Variants in GRK5 observed in about 807,000 individuals in gnomAD.
GRK5 encodes the protein g protein-coupled receptor kinase GRK5.
A neutral mutation model predicts 78.4 loss-of-function variants in GRK5; 40 were observed. The ratio of observed to expected loss-of-function variants is 0.51; its 90% CI spans 0.40 to 0.66. GRK5 has a LOEUF of 0.66. GRK5 is among the 30% of genes least tolerant of loss of function. The pLI, the probability that GRK5 is intolerant of heterozygous loss-of-function variation, is 0.00. For missense variants in GRK5, 598 were observed against 759.9 expected (o/e 0.79, Z 2.50); for synonymous variants, 289 against 296.8 (o/e 0.97, Z 0.27).
At chr10:119,415,983 C>T (rs1242406460) in intron 4 of GRK5, among the ~76,000 whole-genome samples, 2 of 152,196 alleles carry the variant, frequency 1.3e-5, no homozygotes, top group Non-Finnish European at 1.5e-5. Context: ...AGTATCAGGC[C>T]TGTGTTTCTG....
At chr10:119,377,275 G>A (rs1027134587) in intron 2 of GRK5, among the ~76,000 whole-genome samples, 6 of 152,194 alleles carry the variant, frequency 3.9e-5, no homozygotes, top group East Asian at 1.9e-4. Flanking sequence ...CAACTTCAAT[G>A]TCATTGACTT....
intron 5 of GRK5, 59 bp from the exon 6 acceptor site, chr10:119,424,934 C>T: frequency 1.7e-6 from 2 of 1,205,122 alleles, no homozygotes; most frequent in Non-Finnish European, 1.2e-6. Context: ...CACAGCTTTG[C>T]CCCCCTGCTT....
intron 1 of GRK5, among the ~76,000 whole-genome samples, chr10:119,269,823 A>C (rs1290888238): frequency 1.6e-5 from 2 of 127,768 alleles, no homozygotes; most frequent in African/African-American, 3.0e-5. Flanking sequence ...ATGGAGTGAG[A>C]CTCCATCTTA....
intron 12 of GRK5, 30 bp from the exon 13 acceptor site, chr10:119,448,093 G>A (rs779247411): frequency 6.6e-7 from 1 of 1,517,658 alleles, no homozygotes; most frequent in South Asian, 1.3e-5. Context: ...AGGCCCAGGG[G>A]ACGTGGCTTC....
chr10:119,212,496 A>G (rs1409177016), intron 1 of GRK5, among the ~76,000 whole-genome samples: 1 of 152,216 alleles, frequency 6.6e-6, no homozygotes, highest in Non-Finnish European at 1.5e-5. Context: ...AGAATGCCCA[A>G]GTGAATTTCA....
chr10:119,292,932 C>T (rs566310440), intron 1 of GRK5, among the ~76,000 whole-genome samples: 3 of 151,882 alleles, frequency 2.0e-5, no homozygotes, highest in South Asian at 2.1e-4. Flanking sequence ...AGGCCAACTG[C>T]GTGTTGACTT....
chr10:119,270,700 A>G (rs1849570021), intron 1 of GRK5, among the ~76,000 whole-genome samples: 1 of 152,248 alleles, frequency 6.6e-6, no homozygotes, highest in Non-Finnish European at 1.5e-5. Context: ...GGGGGAATGC[A>G]CAAATTAGCT....
At chr10:119,231,216 T>C (rs1848823334) in intron 1 of GRK5, among the ~76,000 whole-genome samples, 1 of 151,916 alleles carries the variant, frequency 6.6e-6, no homozygotes, top group South Asian at 2.1e-4. Flanking sequence ...AACTCAAACA[T>C]CTCAACAGGA....
At chr10:119,269,200 T>G (rs1358977067) in intron 1 of GRK5, among the ~76,000 whole-genome samples, 1 of 152,220 alleles carries the variant, frequency 6.6e-6, no homozygotes, top group African/African-American at 2.4e-5. Flanking sequence ...GGAAGTTTGA[T>G]GACCTGACGC....
In GRK5 at chr10:119,378,182, G is replaced by A. The variant is rs1354159789; in HGVS notation, c.149-2633G>A. ...CAATCTGAGTCCAAGCTCCCTGCGG[G>A]CTGGGACCACATCCCTAGGTACCCC... On this transcript the variant is annotated intron_variant, in intron 2 of 15. Coordinates refer to ENST00000392870, the MANE Select transcript of GRK5 (RefSeq NM_005308.3). The surrounding 1 kb of genome is among the most constrained non-coding windows in gnomAD (Gnocchi z 4.5). 1 of 152,446 alleles carries A rather than the reference G, an allele frequency of 6.6e-6. No homozygotes were observed. Among genetic ancestry groups the A allele is most frequent in the African/African-American group, 2.4e-5 (1 of 41,468 alleles). 9.4% of individuals were successfully genotyped at this position (152,446 alleles called of 1,614,324 possible). A position where few individuals can be genotyped will look rare whatever the true frequency, so the allele number is the denominator to read the frequency against.
At chr10:119,295,239 C>T (rs1365849482) in intron 1 of GRK5, among the ~76,000 whole-genome samples, 1 of 149,644 alleles carries the variant, frequency 6.7e-6, no homozygotes, top group Non-Finnish European at 1.5e-5. Context: ...CATCAGATCA[C>T]AGGCATCTTA....
Position 119,443,536 on chromosome 10 carries a change from GC to G in GRK5, c.1058-3del. 1 of 1,599,192 alleles carries G rather than the reference GC, an allele frequency of 6.3e-7. No homozygotes were observed. Among genetic ancestry groups the G allele is most frequent in the Non-Finnish European group, 8.6e-7 (1 of 1,167,966 alleles). ...TCCTCACTCCTCTCTCCTCTCCTCT[GC>G]CCCCAGCTCCAGAGGTCCTGAACAA... On this transcript the variant is annotated splice_region_variant and splice_polypyrimidine_tract_variant and intron_variant, in intron 11 of 15. Transcript: ENST00000392870.
Position 119,336,344 on chromosome 10 carries a change from G to A in GRK5, c.148+9733G>A, listed in dbSNP as rs1464171849. Among the ~76,000 whole-genome samples the A allele has an allele frequency of 1.3e-5, 2 of 152,156 alleles. No individual in the cohort carries two copies. Among genetic ancestry groups the A allele is most frequent in the African/African-American group, 4.8e-5 (2 of 41,414 alleles). ...GCCCAGTGTGTTTCCTTGAAAGGAC[G>A]TGTGTCATCTAGAAGCCTGCAGCCC... On this transcript the variant is annotated intron_variant, in intron 2 of 15. Coordinates refer to ENST00000392870, the MANE Select transcript of GRK5 (RefSeq NM_005308.3). This position sits in a 1 kb window ranked among gnomAD's most constrained non-coding sequence, Gnocchi z 4.5.
intron 1 of GRK5, among the ~76,000 whole-genome samples, chr10:119,266,619 C>T (rs540541477): frequency 7.7e-4 from 117 of 152,146 alleles, no homozygotes; most frequent in African/African-American, 2.7e-3. Flanking sequence ...CAAGGGAACC[C>T]GCTGTCTAAT....
chr10:119,255,330 G>A (rs1219796372), intron 1 of GRK5, among the ~76,000 whole-genome samples: 1 of 152,102 alleles, frequency 6.6e-6, no homozygotes, highest in Non-Finnish European at 1.5e-5. Flanking sequence ...AAGATAGCAG[G>A]GGCCTTTGTC....
intron 2 of GRK5, among the ~76,000 whole-genome samples, chr10:119,374,584 C>T (rs905245721): frequency 8.5e-5 from 13 of 152,176 alleles, no homozygotes; most frequent in African/African-American, 2.9e-4. Context: ...TGCCCAGGCC[C>T]CCAAGACGTG....
intron 1 of GRK5, among the ~76,000 whole-genome samples, chr10:119,232,174 G>A (rs984910755): frequency 2.0e-5 from 3 of 152,182 alleles, no homozygotes; most frequent in African/African-American, 4.8e-5. Flanking sequence ...CTTGCCATTC[G>A]CAGCAACATG....
At chr10:119,442,471 C>T (rs938325569) in intron 11 of GRK5, among the ~76,000 whole-genome samples, 13 of 152,202 alleles carry the variant, frequency 8.5e-5, no homozygotes, top group Non-Finnish European at 1.6e-4. Context: ...ATGAGAGGCG[C>T]GCACAGCTGC....
intron 1 of GRK5, among the ~76,000 whole-genome samples, chr10:119,305,652 A>C (rs978290304): frequency 6.6e-6 from 1 of 152,126 alleles, no homozygotes; most frequent in Admixed American, 6.6e-5. Context: ...CGGGTGAAGT[A>C]GGGGCAGCAA....
Sources: gnomAD v4.1 joint callset for allele counts (sites outside exome capture counted in the v4.1 genomes callset) on GRCh38, gnomAD v4.1.1 for gene constraint, Gnocchi (gnomAD v3.1) non-coding constraint, MANE v1.5 for transcripts, NCBI Gene and HGNC (gene_info 2026-07-23, HGNC 2026-07-21) for gene names.